The following TRAK1 variants were observed in gnomAD, a reference collection of about 807,000 sequenced individuals.
TRAK1 encodes the protein trafficking kinesin protein 1.
A neutral mutation model predicts 92.1 loss-of-function variants in TRAK1; 33 were observed. That is an observed-to-expected ratio of 0.36 (90% CI 0.27 to 0.48). The LOEUF (loss-of-function observed/expected upper bound fraction) is 0.48. Among genes scored for constraint, TRAK1 ranks in the 20% least tolerant of loss-of-function variants. The pLI is 0.99. For synonymous variants in TRAK1, 521 were observed against 517.3 expected, an observed-to-expected ratio of 1.01 and a Z score of -0.10; for missense variants, 1,123 against 1,257.9, an observed-to-expected ratio of 0.89 and a Z score of 1.62.
intron 1 of TRAK1, among the ~76,000 whole-genome samples, chr3:42,115,034 T>C (rs1708991275): frequency 6.6e-6 from 1 of 152,218 alleles, no homozygotes; most frequent in Non-Finnish European, 1.5e-5. Flanking sequence ...TTAAGAGAAG[T>C]TACCAAGACT....
intron 2 of TRAK1, among the ~76,000 whole-genome samples, chr3:42,128,945 T>G (rs1710945599): frequency 6.6e-6 from 1 of 152,272 alleles, no homozygotes; most frequent in South Asian, 2.1e-4. Flanking sequence ...ATTTCTTTTA[T>G]TCTTTAATAA....
intron 2 of TRAK1, chr3:42,160,168 C>G (rs557249462): frequency 9.1e-6 from 12 of 1,320,436 alleles, no homozygotes; most frequent in Non-Finnish European, 1.2e-5. Context: ...GGGTCCTGCC[C>G]GGGTGATGCT....
At chr3:42,150,701 C>T (rs886912814) in intron 2 of TRAK1, among the ~76,000 whole-genome samples, 6 of 152,020 alleles carry the variant, frequency 3.9e-5, no homozygotes, top group African/African-American at 7.3e-5. Flanking sequence ...TGATTTTTGC[C>T]GCGACTGTGG....
At chr3:42,055,635 T>A (rs1304271014) in intron 1 of TRAK1, among the ~76,000 whole-genome samples, 1 of 152,222 alleles carries the variant, frequency 6.6e-6, no homozygotes, top group Non-Finnish European at 1.5e-5. Context: ...GCTAATTTTT[T>A]AATTTTTTTG....
chr3:42,137,687 TC>T lies in TRAK1; in HGVS notation c.286+12076del, dbSNP rs537120637. Among the ~76,000 whole-genome samples the T allele has an allele frequency of 6.5e-3, 983 of 152,316 alleles. 12 individuals are homozygous for T. The highest frequency in any genetic ancestry group is 0.021 in the African/African-American group (893 of 41,564). Reference sequence around the variant, plus strand: ...AGCTAGAATTGATAGATGCACCTGATCCCTGTGGAGTAGTTGATATCTCTGT... The same window carrying T: ...AGCTAGAATTGATAGATGCACCTGATCCTGTGGAGTAGTTGATATCTCTGT... On this transcript the variant is annotated intron_variant, in intron 2 of 15. Transcript: ENST00000327628.
At chr3:42,072,391 A>G (rs1703971474) in intron 1 of TRAK1, among the ~76,000 whole-genome samples, 2 of 152,010 alleles carry the variant, frequency 1.3e-5, no homozygotes, top group Non-Finnish European at 2.9e-5. Flanking sequence ...TAAAGGTTCC[A>G]TTGTAAACGA....
At chr3:42,099,945 G>A (rs561902557) in intron 1 of TRAK1, among the ~76,000 whole-genome samples, 1 of 152,234 alleles carries the variant, frequency 6.6e-6, no homozygotes, top group South Asian at 2.1e-4. Flanking sequence ...GTGTGGTAAA[G>A]AATGGGCCTG....
intron 2 of TRAK1, among the ~76,000 whole-genome samples, chr3:42,135,003 G>T (rs891714523): frequency 6.6e-6 from 1 of 152,028 alleles, no homozygotes; most frequent in African/African-American, 2.4e-5. Flanking sequence ...CCTTCCCAAA[G>T]CTATGAAATT....
intron 1 of TRAK1, among the ~76,000 whole-genome samples, chr3:42,030,687 AG>A (rs1260420051): frequency 0.065 from 4,944 of 76,130 alleles, 414 homozygotes; most frequent in Middle Eastern, 0.16. Context: ...AAAAAAAAAA[AG>A]AATATATATA....
At chr3:42,150,302 G>A (rs1699817598) in intron 2 of TRAK1, among the ~76,000 whole-genome samples, 1 of 152,142 alleles carries the variant, frequency 6.6e-6, no homozygotes, top group Non-Finnish European at 1.5e-5. Flanking sequence ...GGTCTCAGGA[G>A]GTTTCAAGCA....
At position 42,209,323 on chromosome 3, in the gene TRAK1, G is replaced by A. The variant is rs182376567; in HGVS notation, c.1745-444G>A. ...ATGATCTTATTCTGCCTGAGCTTATGTCTTCCGTGTTCCCAGGAGTGTGTA... is the reference window on the plus strand; with the variant it reads ...ATGATCTTATTCTGCCTGAGCTTATATCTTCCGTGTTCCCAGGAGTGTGTA... On this transcript the variant is annotated intron_variant, in intron 13 of 15. Transcript: ENST00000327628. Among the ~76,000 whole-genome samples, 714 of 151,424 alleles carry A rather than the reference G, an allele frequency of 4.7e-3. 3 individuals are homozygous for A. Among genetic ancestry groups the A allele is most frequent in the Non-Finnish European group, 6.3e-3 (428 of 67,752 alleles).
At chr3:42,050,009 G>T (rs75016701) in intron 1 of TRAK1, among the ~76,000 whole-genome samples, 1 of 152,104 alleles carries the variant, frequency 6.6e-6, no homozygotes, top group Non-Finnish European at 1.5e-5. Context: ...AGCAGGGCTT[G>T]TTGACAGTAG....
chr3:42,098,016 G>T (rs60611904), intron 1 of TRAK1, among the ~76,000 whole-genome samples: 98,031 of 151,102 alleles, frequency 0.65, 32,176 homozygotes, highest in South Asian at 0.81. Flanking sequence ...TCCTCCCTTC[G>T]TTTCATTTTT....
intron 13 of TRAK1, chr3:42,203,001 G>A: frequency 7.7e-7 from 1 of 1,305,678 alleles, no homozygotes; most frequent in South Asian, 2.6e-5. Context: ...ACAAGCATGT[G>A]CACTGTGGTC....
intron 1 of TRAK1, among the ~76,000 whole-genome samples, chr3:42,099,933 A>T (rs1426112818): frequency 6.6e-6 from 1 of 151,868 alleles, no homozygotes; most frequent in Non-Finnish European, 1.5e-5. Flanking sequence ...GCTGCCTGGG[A>T]TGTGTGGTAA....
At chr3:42,073,601 G>A (rs2148940771) in intron 1 of TRAK1, among the ~76,000 whole-genome samples, 1 of 152,352 alleles carries the variant, frequency 6.6e-6, no homozygotes, top group South Asian at 2.1e-4. Flanking sequence ...CCATTGTGAG[G>A]TGTATAGCAT....
chr3:42,045,292 T>C (rs576172657), intron 1 of TRAK1, among the ~76,000 whole-genome samples: 63 of 152,228 alleles, frequency 4.1e-4, no homozygotes, highest in African/African-American at 1.4e-3. Flanking sequence ...CCCAGCACTT[T>C]GGGAGGCTGA....
chr3:42,206,884 G>A (rs993326391), intron 13 of TRAK1, among the ~76,000 whole-genome samples: 3 of 152,190 alleles, frequency 2.0e-5, no homozygotes, highest in African/African-American at 7.2e-5. Flanking sequence ...ATCCTTGGGA[G>A]CGGGTGAGGA....
At chr3:42,076,256 C>T (rs1198692159) in intron 1 of TRAK1, among the ~76,000 whole-genome samples, 1 of 89,640 alleles carries the variant, frequency 1.1e-5, no homozygotes, top group African/African-American at 4.7e-5. Context: ...ATGGAGTTTC[C>T]CTCTTGTTGC....
Sources: gnomAD v4.1 joint callset for allele counts (sites outside exome capture counted in the v4.1 genomes callset) on GRCh38, gnomAD v4.1.1 for gene constraint, MANE v1.5 for transcripts, NCBI Gene and HGNC (gene_info 2026-07-23, HGNC 2026-07-21) for gene names.